The following NOL10 variants were observed in gnomAD, a reference collection of about 807,000 sequenced individuals.
NOL10 encodes the protein nucleolar protein 10.
Under a neutral mutation model 103.5 loss-of-function variants are expected in NOL10, and 58 were observed. The observed-to-expected ratio is 0.56, with a 90% CI of 0.45 to 0.70. The LOEUF is 0.70. NOL10 is among the 30% of genes least tolerant of loss of function. The pLI is 0.00. For missense variants in NOL10, 763 were observed against 807.3 expected (o/e 0.95, Z 0.67); for synonymous variants, 287 against 282.5 (o/e 1.02, Z -0.16).
chr2:10,679,572 T>G (rs1236637761), intron 3 of NOL10, among the ~76,000 whole-genome samples: 1 of 150,586 alleles, frequency 6.6e-6, no homozygotes, highest in Non-Finnish European at 1.5e-5. Context: ...CTTTCCTTTT[T>G]CTTTCTTTCC....
intron 13 of NOL10, among the ~76,000 whole-genome samples, chr2:10,609,988 C>A (rs1351744992): frequency 6.6e-6 from 1 of 152,118 alleles, no homozygotes; most frequent in African/African-American, 2.4e-5. Flanking sequence ...ATTTCATATG[C>A]ATCAAGTACT....
chr2:10,637,932 A>C (rs1031057358), intron 13 of NOL10, among the ~76,000 whole-genome samples: 63 of 137,468 alleles, frequency 4.6e-4, no homozygotes, highest in African/African-American at 1.4e-3. Context: ...TTTATTTTAA[A>C]CAGTCAAAAT....
intron 13 of NOL10, among the ~76,000 whole-genome samples, chr2:10,636,630 T>C (rs992863267): frequency 1.3e-5 from 2 of 150,850 alleles, no homozygotes; most frequent in African/African-American, 4.9e-5. Context: ...AAAAAAAGTA[T>C]CTTCTTAATG....
rs964805470 is a variant in NOL10, at chr2:10,689,681, G to C, written c.66+115C>G. 42 of 1,063,602 alleles carry C rather than the reference G, an allele frequency of 3.9e-5. No individual in the cohort carries two copies. In the East Asian group the frequency reaches 1.0e-3, roughly 26 times the overall value. The allele number at this position is 1,063,602 out of a possible 1,614,324, so 65.9% of individuals were successfully genotyped here. On this transcript the variant is annotated intron_variant, in intron 1 of 20. Coordinates refer to ENST00000381685, the MANE Select transcript of NOL10 (RefSeq NM_024894.4). The stretch of plus-strand genomic sequence containing the variant: ...GCCGCCTCTGGGCCTCCCCGAGTCG[G>C]GGGGTGACCAGCGTCCAGCTAAAAC...
At chr2:10,662,436 G>C (rs1680273358) in intron 9 of NOL10, among the ~76,000 whole-genome samples, 1 of 152,146 alleles carries the variant, frequency 6.6e-6, no homozygotes, top group South Asian at 2.1e-4. Context: ...ATTTAGCAAT[G>C]TACCAAAAAC....
At chr2:10,637,548 T>G (rs1366296571) in intron 13 of NOL10, among the ~76,000 whole-genome samples, 2 of 152,206 alleles carry the variant, frequency 1.3e-5, no homozygotes, top group African/African-American at 4.8e-5. Flanking sequence ...TCAGAAGGCC[T>G]CACCTCTGCG....
chr2:10,593,599 A>G (rs1441268992), intron 17 of NOL10, among the ~76,000 whole-genome samples: 1 of 152,208 alleles, frequency 6.6e-6, no homozygotes, highest in Non-Finnish European at 1.5e-5. Context: ...AACCCTTAAG[A>G]AAAAAAGGAA....
intron 13 of NOL10, among the ~76,000 whole-genome samples, chr2:10,624,536 A>G (rs956855756): frequency 1.3e-5 from 2 of 152,170 alleles, no homozygotes; most frequent in African/African-American, 2.4e-5. Flanking sequence ...TAACCTAAGC[A>G]AATCAAAATT....
intron 3 of NOL10, among the ~76,000 whole-genome samples, chr2:10,678,340 C>T (rs1489027463): frequency 2.6e-5 from 4 of 151,454 alleles, no homozygotes; most frequent in African/African-American, 9.7e-5. Flanking sequence ...GCATGAGCTA[C>T]TGTGTACCCT....
At chr2:10,650,372 C>A (rs1432208968) in intron 12 of NOL10, among the ~76,000 whole-genome samples, 1 of 151,784 alleles carries the variant, frequency 6.6e-6, no homozygotes, top group Non-Finnish European at 1.5e-5. Flanking sequence ...GCTGTGTTGA[C>A]AAGGCTGGTC....
chr2:10,659,345 G>A (rs985274366), intron 9 of NOL10, 95 bp from the exon 10 acceptor site: 9 of 353,700 alleles, frequency 2.5e-5, no homozygotes, highest in African/African-American at 1.8e-4. Flanking sequence ...ATCTAATGGG[G>A]GGGGGGGGGA....
Position 10,640,925 on chromosome 2 carries a change from C to T in NOL10, c.1026+3395G>A, listed in dbSNP as rs565074852. On this transcript the variant is annotated intron_variant, in intron 13 of 20. Coordinates refer to ENST00000381685, the MANE Select transcript of NOL10 (RefSeq NM_024894.4). ...TAAAATACAACTTTGGGGCTCATGC[C>T]TGTAATCCCAGCACTTTGGGAGGCT... is the stretch of plus-strand genomic sequence containing the variant. Among the ~76,000 whole-genome samples, 5 of 152,292 alleles carry T rather than the reference C, an allele frequency of 3.3e-5. No homozygotes were observed. The South Asian group carries it at 1.0e-3, about 32-fold the overall frequency.
intron 16 of NOL10, 46 bp from the exon 17 acceptor site, chr2:10,600,988 AAC>A: frequency 8.3e-7 from 1 of 1,206,264 alleles, no homozygotes; most frequent in Non-Finnish European, 1.2e-6. Flanking sequence ...TTTAAAAGCT[AAC>A]ATATTTACAT....
chr2:10,623,715 CT>C (rs1321183898), intron 13 of NOL10, among the ~76,000 whole-genome samples: 1 of 152,128 alleles, frequency 6.6e-6, no homozygotes, highest in Non-Finnish European at 1.5e-5. Flanking sequence ...CCCCCAAATA[CT>C]CAAAACTAAC....
chr2:10,583,164 G>A (rs544508264), intron 19 of NOL10, among the ~76,000 whole-genome samples: 1 of 152,256 alleles, frequency 6.6e-6, no homozygotes, highest in Non-Finnish European at 1.5e-5. Context: ...TATCTTTACT[G>A]TCCATCTTCT....
chr2:10,660,939 A>G (rs190084125), intron 9 of NOL10, among the ~76,000 whole-genome samples: 5 of 138,832 alleles, frequency 3.6e-5, no homozygotes, highest in Admixed American at 1.5e-4. Flanking sequence ...GCAAAGCATT[A>G]AAAAAAAAAA....
intron 4 of NOL10, 107 bp downstream of exon 4, chr2:10,675,679 GTAATTTGT>G (rs1305503162): frequency 1.6e-6 from 1 of 612,114 alleles, no homozygotes; most frequent in Non-Finnish European, 2.9e-6. Flanking sequence ...TTGTAGTACA[GTAATTTGT>G]TATACAGCAA....
intron 20 of NOL10, among the ~76,000 whole-genome samples, chr2:10,576,052 G>A (rs749528856): frequency 6.6e-5 from 10 of 152,168 alleles, no homozygotes; most frequent in Non-Finnish European, 1.5e-4. Context: ...AGAAATCAGA[G>A]ATGAATGGGT....
intron 16 of NOL10, among the ~76,000 whole-genome samples, chr2:10,601,355 C>T (rs189999059): frequency 1.1e-3 from 171 of 152,326 alleles, no homozygotes; most frequent in Admixed American, 2.5e-3. Flanking sequence ...TGAGCCACCA[C>T]GCCCAGCCAA....
Sources: gnomAD v4.1 joint callset for allele counts (sites outside exome capture counted in the v4.1 genomes callset) on GRCh38, gnomAD v4.1.1 for gene constraint, MANE v1.5 for transcripts, NCBI Gene and HGNC (gene_info 2026-07-23, HGNC 2026-07-21) for gene names.